The following ZNF132 variants were observed in gnomAD, a reference collection of about 807,000 sequenced individuals.
ZNF132 encodes zinc finger protein 132, also known as zinc finger protein 132 (clone pHZ-12).
In ZNF132, 6 loss-of-function variants were observed where a neutral mutation model predicts 9.3. The ratio of observed to expected loss-of-function variants is 0.65; its 90% CI spans 0.35 to 1.28. ZNF132 has a LOEUF of 1.28. Ranked by LOEUF, ZNF132 falls within the 50% of genes most tolerant of loss-of-function variation. The pLI, the probability that ZNF132 is intolerant of heterozygous loss-of-function variation, is 0.03. For missense variants in ZNF132, 877 were observed against 843.2 expected, an observed-to-expected ratio of 1.04 and a Z score of -0.50; for synonymous variants, 296 against 292.0, an observed-to-expected ratio of 1.01 and a Z score of -0.14.
Position 58,433,183 on chromosome 19 carries a change from G to T in ZNF132, c.*140C>A. ...ATGGCCCTGCAAAGGTTCCTGGGCTGGTCAGAAACAGAGTAGCTTCTGAAG... is the reference window on the plus strand; with the variant it reads ...ATGGCCCTGCAAAGGTTCCTGGGCTTGTCAGAAACAGAGTAGCTTCTGAAG... On this transcript the variant is annotated 3_prime_UTR_variant, in exon 3 of 3. Transcript: ENST00000254166. 2.3e-6 allele frequency: 2 copies of T among 871,110 alleles called. No individual in the cohort carries two copies. The highest frequency in any genetic ancestry group is 1.8e-5 in the South Asian group (1 of 56,876). The allele number at this position is 871,110 out of a possible 1,614,324, so 54.0% of individuals were successfully genotyped here.
At chr19:58,436,552 C>T (rs2052773748) in intron 2 of ZNF132, among the ~76,000 whole-genome samples, 1 of 150,920 alleles carries the variant, frequency 6.6e-6, no homozygotes, top group South Asian at 2.1e-4. Context: ...CCTGTAGTCC[C>T]AGCTACTTGG....
chr19:58,435,775 AT>A, intron 2 of ZNF132: 1 of 152,842 alleles, frequency 6.5e-6, no homozygotes, highest in Non-Finnish European at 1.5e-5. Context: ...TCATAGCAGA[AT>A]TTTTTTAAAA....
intron 2 of ZNF132, 132 bp downstream of exon 2, chr19:58,436,915 C>T (rs1277120342): frequency 2.4e-6 from 3 of 1,248,364 alleles, no homozygotes; most frequent in Non-Finnish European, 3.5e-6. Context: ...AACCTCAGCA[C>T]CCCAGCACCT....
rs751334770 is a variant in ZNF132, at chr19:58,433,645, T to A, written c.1799A>T (p.Lys600Ile). 3 of 1,614,164 alleles carry A rather than the reference T, an allele frequency of 1.9e-6. No individual in the cohort carries two copies. The highest frequency in any genetic ancestry group is 2.5e-6 in the Non-Finnish European group (3 of 1,180,018). ...AAAGAATTTCCCACATTCACTGCAT[T>A]TATAAGGCTTTTCTCCAGTATGAAC... ...QKVHTGEKPYKCSECGKFFSR... is the reference protein window; with the variant it reads ...QKVHTGEKPYICSECGKFFSR... Residue 600 changes from lysine (K) to isoleucine (I), a missense_variant, in exon 3 of 3, where the codon AAA becomes ATA. Coordinates refer to ENST00000254166, the MANE Select transcript of ZNF132 (RefSeq NM_003433.4).
rs908702187 is a variant in ZNF132 at position 58,440,125 on chromosome 19, C to T, written c.-304G>A. 10 of 425,850 alleles carry T rather than the reference C, an allele frequency of 2.3e-5. No individual in the cohort carries two copies. The highest frequency in any genetic ancestry group is 3.8e-5 in the Non-Finnish European group (9 of 239,310). 26.4% of individuals were successfully genotyped at this position (425,850 alleles called of 1,614,324 possible). A position where few individuals can be genotyped will look rare whatever the true frequency, so the allele number is the denominator to read the frequency against. On this transcript the variant is annotated 5_prime_UTR_variant, in exon 1 of 3. Coordinates refer to ENST00000254166, the MANE Select transcript of ZNF132 (RefSeq NM_003433.4). ...GCTCCAGAGGCCTGCTGTAGCCCAACCCACCAGCAGCAAAATGAGGACCGC... is the reference window on the plus strand; with the variant it reads ...GCTCCAGAGGCCTGCTGTAGCCCAATCCACCAGCAGCAAAATGAGGACCGC...
Position 58,437,155 on chromosome 19 carries a change from C to T in ZNF132, c.124G>A (p.Asp42Asn), listed in dbSNP as rs753651752. The stretch of plus-strand genomic sequence containing the variant: ...TCTTGGGAGAAGTATACAGCCACAT[C>T]TTCAAAGGTTACCATGCTCTTCAAT... ...PTLKSMVTFE[D>N]VAVYFSQEEW... The change falls in exon 2 of 3, where the codon GAT (aspartate) becomes AAT (asparagine). Residue 42 changes from aspartate (D) to asparagine (N), a missense_variant. By Grantham distance (23) the Asp-to-Asn change is conservative (BLOSUM62 1). Transcript: ENST00000254166. 2 of 1,614,062 alleles carry T rather than the reference C, an allele frequency of 1.2e-6. No homozygotes were observed. The highest frequency in any genetic ancestry group is 1.7e-6 in the Non-Finnish European group (2 of 1,179,970).
chr19:58,434,528 G>A lies in ZNF132; in HGVS notation c.916C>T (p.Leu306=). The change falls in exon 3 of 3, where the codon CTG becomes TTG. Residue 306 remains leucine (L), a synonymous_variant. Coordinates refer to ENST00000254166, the MANE Select transcript of ZNF132 (RefSeq NM_003433.4). ...GTGTGAAATTTCTGGTGCTTCCTCA[G>A]CTTAGATGAGTGACTAAAGGCCTTC... ...CGKAFSHSSK[L]RKHQKFHTEV... is the part of the protein sequence containing the mutation. 2 of 1,614,156 alleles carry A rather than the reference G, an allele frequency of 1.2e-6. No individual in the cohort carries two copies. Among genetic ancestry groups the A allele is most frequent in the South Asian group, 2.2e-5 (2 of 91,082 alleles).
Position 58,433,440 on chromosome 19 carries a change from A to G in ZNF132, c.2004T>C (p.Ser668=), listed in dbSNP as rs1173662369. ...IQCGKAFSER[S]TLVRHQKVHT... ...GAACTTTCTGGTGCCGAACAAGTGT[A>G]GATCTTTCACTAAAGGCTTTTCCAC... Residue 668 remains serine, a synonymous_variant, in exon 3 of 3, where the codon TCT becomes TCC. Coordinates refer to ENST00000254166, the MANE Select transcript of ZNF132 (RefSeq NM_003433.4). 37 of 1,613,946 alleles carry G rather than the reference A, an allele frequency of 2.3e-5. No homozygotes were observed. In the East Asian group the frequency reaches 4.9e-4, roughly 21 times the overall value.
intron 1 of ZNF132, chr19:58,437,882 A>G (rs2052781775): frequency 1.3e-6 from 1 of 747,166 alleles, no homozygotes; most frequent in Non-Finnish European, 1.6e-6. Flanking sequence ...GCAGATCTCA[A>G]ATATCTCTTC....
In ZNF132 at chr19:58,439,681, A is replaced by C. The variant is rs565341597; in HGVS notation, c.63+78T>G. On this transcript the variant is annotated intron_variant, in intron 1 of 2. Coordinates refer to ENST00000254166, the MANE Select transcript of ZNF132 (RefSeq NM_003433.4). ...CACGATCAAGAGTCCCAGGACACCA[A>C]CATCCCCTCTATCTGGGCTTCAGGA... 1.5e-4 allele frequency: 207 copies of C among 1,425,668 alleles called. 1 individual carries two copies. The East Asian group carries it at 5.7e-3, about 39-fold the overall frequency. The allele number at this position is 1,425,668 out of a possible 1,614,324, so 88.3% of individuals were successfully genotyped here.
intron 1 of ZNF132, among the ~76,000 whole-genome samples, chr19:58,438,084 C>T (rs193226037): frequency 9.2e-5 from 14 of 152,212 alleles, no homozygotes; most frequent in African/African-American, 3.4e-4. Context: ...GAAGAGATAA[C>T]ATGCCCTGAC....
In ZNF132 at chr19:58,434,107, A is replaced by T; in HGVS notation, c.1337T>A (p.Leu446His). Residue 446 changes from leucine (L) to histidine (H), a missense_variant, in exon 3 of 3, where the codon CTT becomes CAT. By Grantham distance (99) the Leu-to-His change is moderately conservative (BLOSUM62 -3). Coordinates refer to ENST00000254166, the MANE Select transcript of ZNF132 (RefSeq NM_003433.4). ...GGTGTGAACTTTCTGGTGCTGAGCA[A>T]GGTTGGAGTTATTGTTAAAAGCTCT... ...CGRAFNNNSN[L>H]AQHQKVHTGE... 1 of 1,613,934 alleles carries T rather than the reference A, an allele frequency of 6.2e-7. No homozygotes were observed. Among genetic ancestry groups the T allele is most frequent in the Non-Finnish European group, 8.5e-7 (1 of 1,179,986 alleles).
At chr19:58,437,879 T>G (rs2052781769) in intron 1 of ZNF132, 2 of 755,274 alleles carry the variant, frequency 2.6e-6, no homozygotes, top group Admixed American at 1.3e-4. Flanking sequence ...TAAGCAGATC[T>G]CAAATATCTC....
intron 1 of ZNF132, 55 bp downstream of exon 1, chr19:58,439,704 G>A: frequency 6.8e-7 from 1 of 1,480,734 alleles, no homozygotes; most frequent in South Asian, 1.3e-5. Flanking sequence ...CTGGGCTTCA[G>A]GATCCTGAGG....
Position 58,434,396 on chromosome 19 carries a change from C to T in ZNF132, c.1048G>A (p.Asp350Asn), listed in dbSNP as rs767736121. The T allele has an allele frequency of 6.2e-7, 1 of 1,614,250 alleles. No homozygotes were observed. Among genetic ancestry groups the T allele is most frequent in the Non-Finnish European group, 8.5e-7 (1 of 1,180,042 alleles). ...TTACTGAAGGCTTTCCCACATTCATCACACTCATAAGGTCTTTCTCCTGAG... is the reference window on the plus strand; with the variant it reads ...TTACTGAAGGCTTTCCCACATTCATTACACTCATAAGGTCTTTCTCCTGAG... ...IHSGERPYEC[D>N]ECGKAFSNRS... Residue 350 changes from aspartate (D) to asparagine (N), a missense_variant, in exon 3 of 3, where the codon GAT becomes AAT. By Grantham distance (23) the Asp-to-Asn change is conservative. Coordinates refer to ENST00000254166, the MANE Select transcript of ZNF132 (RefSeq NM_003433.4).
chr19:58,434,865 A>C lies in ZNF132; in HGVS notation c.579T>G (p.Thr193=), dbSNP rs777996359. Residue 193 remains threonine (T), a synonymous_variant, in exon 3 of 3, where the codon ACT becomes ACG. Coordinates refer to ENST00000254166, the MANE Select transcript of ZNF132 (RefSeq NM_003433.4). ...GGATGACCTTCCCACCTTCCCTGCA[A>C]GTGAAGGGGTTCTCTGACAGGTGGA... The part of the protein sequence containing the change: ...SKVHLSENPF[T]CREGGKVILG... The C allele has an allele frequency of 1.2e-6, 2 of 1,614,194 alleles. No individual in the cohort carries two copies. The highest frequency in any genetic ancestry group is 1.7e-6 in the Non-Finnish European group (2 of 1,180,026).
chr19:58,439,988 G>A lies in ZNF132; in HGVS notation c.-167C>T, dbSNP rs1236314334. ...GAGACCCTGGAGACGCGTGGCGCTG[G>A]CTCCACTTTCGGGAACACCTTGGCT... On this transcript the variant is annotated 5_prime_UTR_variant, in exon 1 of 3. Transcript: ENST00000254166. The A allele has an allele frequency of 1.5e-6, 1 of 668,084 alleles. No individual in the cohort carries two copies. Among genetic ancestry groups the A allele is most frequent in the Non-Finnish European group, 2.5e-6 (1 of 399,908 alleles). The allele number at this position is 668,084 out of a possible 1,614,324, so 41.4% of individuals were successfully genotyped here.
intron 1 of ZNF132, among the ~76,000 whole-genome samples, chr19:58,439,167 C>G (rs2052788573): frequency 1.3e-5 from 2 of 152,204 alleles, no homozygotes. Context: ...ACCATCTGTC[C>G]TACCTCCACG....
intron 1 of ZNF132, chr19:58,437,915 AT>A: frequency 2.0e-6 from 1 of 492,046 alleles, no homozygotes; most frequent in Non-Finnish European, 2.6e-6. Flanking sequence ...TTGCCTTTGT[AT>A]GTGTTGTCTC....
Sources: gnomAD v4.1 joint callset for allele counts (sites outside exome capture counted in the v4.1 genomes callset) on GRCh38, gnomAD v4.1.1 for gene constraint, MANE v1.5 for transcripts, NCBI Gene and HGNC (gene_info 2026-07-23, HGNC 2026-07-21) for gene names.